Variants in DTNB observed in about 807,000 individuals in gnomAD.
DTNB encodes DTN-B.
A neutral mutation model predicts 90.7 loss-of-function variants in DTNB; 63 were observed. The ratio of observed to expected loss-of-function variants is 0.69; its 90% CI spans 0.57 to 0.86. DTNB has a LOEUF of 0.86. Among genes scored for constraint, DTNB ranks in the 40% least tolerant of loss-of-function variants. DTNB has a pLI of 0.00. For missense variants in DTNB, 744 were observed against 807.1 expected (o/e 0.92, Z 0.95); for synonymous variants, 277 against 286.7 (o/e 0.97, Z 0.34).
At chr2:25,423,271 C>T (rs2050404748) in intron 15 of DTNB, among the ~76,000 whole-genome samples, 1 of 152,074 alleles carries the variant, frequency 6.6e-6, no homozygotes, top group Non-Finnish European at 1.5e-5. Context: ...GTCTAGTCAC[C>T]ATGATATGCC....
At chr2:25,486,472 T>C (rs1252633886) in intron 9 of DTNB, among the ~76,000 whole-genome samples, 1 of 151,216 alleles carries the variant, frequency 6.6e-6, no homozygotes, top group South Asian at 2.1e-4. Flanking sequence ...CTCAAAAAAA[T>C]AAAAAATAAA....
In DTNB at chr2:25,590,416, G is replaced by A. The variant is rs144525079; in HGVS notation, c.603+5670C>T. 5.3e-5 allele frequency among the ~76,000 whole-genome samples: 8 copies of A among 152,262 alleles called. No homozygotes were observed. In the East Asian group the frequency reaches 1.4e-3, roughly 26 times the overall value. ...CAATAGAACAGTTCGGAGGAGACTC[G>A]CAATGGGTAGCTCCTCTCCACAGCC... On this transcript the variant is annotated intron_variant, in intron 6 of 20. Coordinates refer to ENST00000406818, the MANE Select transcript of DTNB (RefSeq NM_021907.5).
chr2:25,625,641 C>T (rs566429267), intron 4 of DTNB, among the ~76,000 whole-genome samples: 8 of 141,488 alleles, frequency 5.7e-5, no homozygotes, highest in South Asian at 2.3e-4. Flanking sequence ...CACTTATTCT[C>T]GTCTCTCTGT....
At chr2:25,563,119 T>C (rs2151210710) in intron 8 of DTNB, among the ~76,000 whole-genome samples, 1 of 152,340 alleles carries the variant, frequency 6.6e-6, no homozygotes, top group South Asian at 2.1e-4. Flanking sequence ...ATTTACCACC[T>C]TAACCATTTT....
At chr2:25,386,549 G>A (rs1211449555) in intron 18 of DTNB, among the ~76,000 whole-genome samples, 2 of 152,200 alleles carry the variant, frequency 1.3e-5, no homozygotes, top group Admixed American at 6.5e-5. Context: ...GAAATCGTTA[G>A]TGACTCTCTG....
intron 3 of DTNB, among the ~76,000 whole-genome samples, chr2:25,632,192 C>CAAAAA (rs71399307): frequency 2.0e-4 from 15 of 76,846 alleles, no homozygotes; most frequent in East Asian, 3.7e-4. Context: ...GACTCTGTCT[C>CAAAAA]AAAAAAAAAA....
intron 8 of DTNB, among the ~76,000 whole-genome samples, chr2:25,569,510 T>C (rs1172772936): frequency 2.6e-5 from 4 of 152,168 alleles, no homozygotes; most frequent in African/African-American, 9.7e-5. Flanking sequence ...TGAACATGCC[T>C]AGATCAACCC....
intron 5 of DTNB, chr2:25,598,980 T>C (rs2065237775): frequency 6.6e-6 from 1 of 152,050 alleles, no homozygotes; most frequent in South Asian, 2.1e-4. Flanking sequence ...ATCAAATTTT[T>C]AGAAAGCTAG....
chr2:25,487,154 A>C (rs1267493020), intron 9 of DTNB, among the ~76,000 whole-genome samples: 1 of 152,218 alleles, frequency 6.6e-6, no homozygotes, highest in Non-Finnish European at 1.5e-5. Context: ...TCTTTATTTC[A>C]ATGACCTAAC....
intron 8 of DTNB, among the ~76,000 whole-genome samples, chr2:25,569,348 C>T (rs181487117): frequency 1.1e-4 from 17 of 152,240 alleles, no homozygotes; most frequent in Admixed American, 7.8e-4. Flanking sequence ...ATTTATCAAG[C>T]GTCTCAAAGA....
chr2:25,411,626 C>T (rs1032618802), intron 16 of DTNB, among the ~76,000 whole-genome samples: 1 of 152,146 alleles, frequency 6.6e-6, no homozygotes, highest in African/African-American at 2.4e-5. Flanking sequence ...TCCTCATTTA[C>T]CAACAGACAT....
intron 9 of DTNB, among the ~76,000 whole-genome samples, chr2:25,512,088 G>T (rs960302512): frequency 1.3e-5 from 2 of 152,016 alleles, no homozygotes; most frequent in Admixed American, 6.6e-5. Context: ...ATCCAAAGGG[G>T]AAAAAGCGAG....
At chr2:25,419,158 T>C (rs951934488) in intron 16 of DTNB, 1 of 299,110 alleles carries the variant, frequency 3.3e-6, no homozygotes, top group African/African-American at 2.1e-5. Flanking sequence ...TGACATGAGG[T>C]CACCCCAGCA....
chr2:25,617,800 C>T (rs2071209366), intron 4 of DTNB, among the ~76,000 whole-genome samples: 1 of 152,108 alleles, frequency 6.6e-6, no homozygotes, highest in Non-Finnish European at 1.5e-5. Context: ...ATCGCTTGAA[C>T]CCATGAGGTG....
chr2:25,582,081 A>G (rs916526656), intron 6 of DTNB, among the ~76,000 whole-genome samples: 1 of 152,258 alleles, frequency 6.6e-6, no homozygotes, highest in Non-Finnish European at 1.5e-5. Flanking sequence ...TAAAATGTTT[A>G]AATCATTTAT....
At chr2:25,588,162 T>A (rs1005258112) in intron 6 of DTNB, among the ~76,000 whole-genome samples, 4 of 151,892 alleles carry the variant, frequency 2.6e-5, no homozygotes, top group Non-Finnish European at 4.4e-5. Context: ...TCCTCTTTTT[T>A]AAAAAGGCTC....
chr2:25,455,970 T>C (rs1018605862), intron 10 of DTNB, among the ~76,000 whole-genome samples: 27 of 152,236 alleles, frequency 1.8e-4, no homozygotes, highest in African/African-American at 6.0e-4. Context: ...AACATTTTTA[T>C]TTCTATAAGG....
intron 15 of DTNB, among the ~76,000 whole-genome samples, chr2:25,423,444 T>G (rs533688744): frequency 1.3e-5 from 2 of 152,178 alleles, no homozygotes; most frequent in African/African-American, 4.8e-5. Flanking sequence ...TCATTTCAGA[T>G]AGAAGATAAA....
At chr2:25,443,027 C>G (rs1354452135) in intron 12 of DTNB, among the ~76,000 whole-genome samples, 2 of 152,180 alleles carry the variant, frequency 1.3e-5, no homozygotes, top group African/African-American at 4.8e-5. Context: ...TCAAATGCCA[C>G]AAACATATAA....
Sources: gnomAD v4.1 joint callset for allele counts (sites outside exome capture counted in the v4.1 genomes callset) on GRCh38, gnomAD v4.1.1 for gene constraint, MANE v1.5 for transcripts, NCBI Gene and HGNC (gene_info 2026-07-23, HGNC 2026-07-21) for gene names.